Variants in NCOR2 observed in about 807,000 individuals in gnomAD.
NCOR2 encodes CTG repeat protein 26.
A neutral mutation model predicts 262.9 loss-of-function variants in NCOR2; 81 were observed. The ratio of observed to expected loss-of-function variants is 0.31; its 90% CI spans 0.26 to 0.37. NCOR2 has a LOEUF of 0.37. Among genes scored for constraint, NCOR2 ranks in the 10% least tolerant of loss-of-function variants. The pLI is 1.00. For missense variants in NCOR2, 3,385 were observed against 3,621.4 expected (o/e 0.93, Z 1.68); for synonymous variants, 1,659 against 1,559.3 (o/e 1.06, Z -1.51).
intron 16 of NCOR2, among the ~76,000 whole-genome samples, chr12:124,395,260 G>A (rs1231345696): frequency 1.3e-5 from 2 of 152,078 alleles, no homozygotes; most frequent in African/African-American, 2.4e-5. Context: ...GCTCCAGAAC[G>A]TTCCTAGCTT....
intron 15 of NCOR2, among the ~76,000 whole-genome samples, chr12:124,399,023 C>A (rs762896669): frequency 1.3e-5 from 2 of 152,106 alleles, no homozygotes; most frequent in African/African-American, 4.8e-5. Context: ...GGGGTGGGTG[C>A]GAGGGACGTC....
At chr12:124,339,761 C>G (rs2036271191) in intron 37 of NCOR2, among the ~76,000 whole-genome samples, 1 of 127,946 alleles carries the variant, frequency 7.8e-6, no homozygotes, top group African/African-American at 2.9e-5. Flanking sequence ...CCTAACCCGA[C>G]CACCCCCCCA....
chr12:124,538,267 C>G (rs1030900792), upstream of NCOR2: 1 of 152,502 alleles, frequency 6.6e-6, no homozygotes, highest in Non-Finnish European at 1.5e-5. Flanking sequence ...CAGAGGGAAA[C>G]AGAGAATCTC....
chr12:124,525,557 G>A (rs528647537), intron 1 of NCOR2, among the ~76,000 whole-genome samples: 1 of 152,370 alleles, frequency 6.6e-6, no homozygotes, highest in South Asian at 2.1e-4. Flanking sequence ...GCTGCAGGGA[G>A]GCAGGAAGCA....
chr12:124,372,548 C>T (rs372794042), exon 20 of NCOR2: 1 of 1,597,862 alleles, frequency 6.3e-7, no homozygotes, highest in Admixed American at 1.7e-5. Flanking sequence ...TGCCCTGTGT[C>T]CTTGGCGGCC....
At chr12:124,360,401 C>G (rs1053377551) in intron 22 of NCOR2, among the ~76,000 whole-genome samples, 2 of 152,244 alleles carry the variant, frequency 1.3e-5, no homozygotes, top group East Asian at 3.8e-4. Flanking sequence ...TCCACGGCCA[C>G]CTGTGCGGTT....
chr12:124,455,106 CAT>C (rs2045766603), intron 6 of NCOR2, among the ~76,000 whole-genome samples: 1 of 152,144 alleles, frequency 6.6e-6, no homozygotes, highest in Non-Finnish European at 1.5e-5. Context: ...TAGGCAAATC[CAT>C]AGAGACAGAA....
chr12:124,446,032 G>A (rs1002628356), intron 7 of NCOR2, among the ~76,000 whole-genome samples: 1 of 152,218 alleles, frequency 6.6e-6, no homozygotes, highest in South Asian at 2.1e-4. Flanking sequence ...ATGGTGGGAC[G>A]GGGCCTGCAC....
chr12:124,461,048 G>A (rs867872380), intron 5 of NCOR2, among the ~76,000 whole-genome samples: 1 of 152,240 alleles, frequency 6.6e-6, no homozygotes, highest in South Asian at 2.1e-4. Flanking sequence ...GGACTGCTCC[G>A]GCCCAAAGGA....
rs573937475 is a variant in NCOR2 at position 124,344,995 on chromosome 12, A to G, written c.4360-44T>C. On this transcript the variant is annotated intron_variant, in intron 31 of 46. Coordinates refer to ENST00000405201, the Ensembl canonical transcript of NCOR2. ...AAGCTCTAGCCCTGGCCACAGCCAT[A>G]GCCCAGACCAGCTGCATCCCCCTTC... 161 of 1,442,070 alleles carry G rather than the reference A, an allele frequency of 1.1e-4. 1 individual carries two copies. The highest frequency in any genetic ancestry group is 3.7e-4 in the Middle Eastern group (2 of 5,348). The allele number at this position is 1,442,070 out of a possible 1,614,324, so 89.3% of individuals were successfully genotyped here.
At chr12:124,330,951 G>A in intron 43 of NCOR2, 53 bp from the exon 46 acceptor site, 1 of 1,543,290 alleles carries the variant, frequency 6.5e-7, no homozygotes. Context: ...GGAATTACCT[G>A]CCCTACCAGT....
chr12:124,385,932 C>T (rs765380246), intron 16 of NCOR2, 45 bp from the exon 19 acceptor site: 4 of 1,594,356 alleles, frequency 2.5e-6, no homozygotes, highest in African/African-American at 2.7e-5. Context: ...AGGCCCGGCA[C>T]GCAGAGGGGG....
At chr12:124,358,179 G>A (rs1200151627) in intron 22 of NCOR2, among the ~76,000 whole-genome samples, 4 of 147,578 alleles carry the variant, frequency 2.7e-5, no homozygotes. Context: ...AATGTTGAAG[G>A]AGATAACCTG....
rs118062985 is a variant in NCOR2, at chr12:124,394,336, G to A, written c.1876+3783C>T. Among the ~76,000 whole-genome samples the A allele has an allele frequency of 4.4e-3, 671 of 152,322 alleles. 25 individuals are homozygous for A. The East Asian group carries it at 0.087, about 20-fold the overall frequency. ...AGGTCAGGGGGCTAAGGAGCTGCTT[G>A]TAGCTACAAAGTGATGGGGAGGTCG... is the stretch of plus-strand genomic sequence containing the variant. On this transcript the variant is annotated intron_variant, in intron 16 of 46. Transcript: ENST00000405201.
chr12:124,531,220 G>GAAAGAAAATGATAATA lies in NCOR2; in HGVS notation c.-118+4329_-118+4344dup, dbSNP rs2050754057. 6.6e-6 allele frequency among the ~76,000 whole-genome samples: 1 copy of GAAAGAAAATGATAATA among 152,176 alleles called. No homozygotes were observed. The highest frequency in any genetic ancestry group is 2.4e-5 in the African/African-American group (1 of 41,438). On this transcript the variant is annotated intron_variant, in intron 1 of 46. Coordinates refer to the NCOR2 transcript ENST00000404621. This position sits in a 1 kb window ranked among gnomAD's most constrained non-coding sequence, Gnocchi z 4.5. ...GTCCAGCCAGAGCCCACCCGTTTAT[G>GAAAGAAAATGATAATA]AAAGAAAATGATAATAATAATAGAA...
At position 124,479,610 on chromosome 12, in the gene NCOR2, C is replaced by T. The variant is rs190289274; in HGVS notation, c.411+3986G>A. Among the ~76,000 whole-genome samples, 109 of 152,374 alleles carry T rather than the reference C, an allele frequency of 7.2e-4. 1 individual carries two copies. The highest frequency in any genetic ancestry group is 1.3e-3 in the Non-Finnish European group (90 of 68,028). On this transcript the variant is annotated intron_variant, in intron 3 of 46. Coordinates refer to ENST00000405201, the Ensembl canonical transcript of NCOR2. ...GCACACACACACCCTGGCCTGCTATCCATCCAGGCCCCACTTCAGGGGAGT... is the reference window on the plus strand; with the variant it reads ...GCACACACACACCCTGGCCTGCTATTCATCCAGGCCCCACTTCAGGGGAGT...
intron 11 of NCOR2, 122 bp from the exon 14 acceptor site, chr12:124,422,677 G>A (rs2043283658): frequency 8.5e-7 from 1 of 1,172,570 alleles, no homozygotes; most frequent in East Asian, 2.5e-5. Flanking sequence ...CGCCCCACTT[G>A]GAGCAATTAA....
chr12:124,350,857 C>A (rs1351124193), intron 27 of NCOR2, 120 bp from the exon 30 acceptor site: 2 of 1,019,086 alleles, frequency 2.0e-6, no homozygotes, highest in African/African-American at 3.2e-5. Flanking sequence ...CGTGTCCACA[C>A]ACACACTGTC....
rs2045919972 is a variant in NCOR2, at chr12:124,457,138, T to C, written c.730A>G (p.Ile244Val). Residue 244 changes from isoleucine (I) to valine (V), a missense_variant, in exon 6 of 47, where the codon ATT (isoleucine) becomes GTT (valine). Physicochemically the swap from Ile to Val is conservative, Grantham distance 29. Coordinates refer to ENST00000405201, the Ensembl canonical transcript of NCOR2. The surrounding 1 kb of genome is among the most constrained non-coding windows in gnomAD (Gnocchi z 4.0). ...ACCTGGGGCCCCAGGCCTTCCAGAA[T>C]CCGATGTGCAGCTTCAGCCTTCTTC... The C allele has an allele frequency of 7.7e-7, 1 of 1,293,842 alleles. No homozygotes were observed. The highest frequency in any genetic ancestry group is 1.0e-6 in the Non-Finnish European group (1 of 1,004,364). The allele number at this position is 1,293,842 out of a possible 1,614,324, so 80.1% of individuals were successfully genotyped here.
Sources: allele counts gnomAD v4.1 joint callset (sites outside exome capture counted in the v4.1 genomes callset), GRCh38; gene constraint gnomAD v4.1.1; non-coding constraint Gnocchi (gnomAD v3.1); transcripts MANE v1.5; gene names NCBI Gene and HGNC (gene_info 2026-07-23, HGNC 2026-07-21).